Variants in CCDC192 observed in about 807,000 individuals in gnomAD.
CCDC192 encodes the protein coiled-coil domain containing 192, also known as coiled-coil domain-containing protein 192.
intron 5 of CCDC192, among the ~76,000 whole-genome samples, chr5:127,865,664 T>C (rs900391019): frequency 3.3e-5 from 5 of 149,862 alleles, no homozygotes; most frequent in Non-Finnish European, 5.9e-5. Flanking sequence ...CTAGATCAGA[T>C]ATCTTCAGTA....
intron 2 of CCDC192, among the ~76,000 whole-genome samples, chr5:127,724,584 C>T (rs548186850): frequency 1.7e-4 from 26 of 152,172 alleles, no homozygotes; most frequent in Non-Finnish European, 2.2e-4. Flanking sequence ...GGCACAGTGG[C>T]TCATGCCTGT....
At chr5:127,846,705 A>G (rs1163481938) in intron 5 of CCDC192, among the ~76,000 whole-genome samples, 1 of 151,372 alleles carries the variant, frequency 6.6e-6, no homozygotes, top group Non-Finnish European at 1.5e-5. Flanking sequence ...CCTGGCCTCA[A>G]GTGATCCACC....
intron 5 of CCDC192, among the ~76,000 whole-genome samples, chr5:127,824,802 G>T (rs1294713287): frequency 6.6e-6 from 1 of 152,104 alleles, no homozygotes; most frequent in Non-Finnish European, 1.5e-5. Flanking sequence ...TTAGAAAAGA[G>T]AATATTCAGG....
At chr5:127,800,439 AGT>A (rs1757447775) in intron 5 of CCDC192, among the ~76,000 whole-genome samples, 1 of 151,446 alleles carries the variant, frequency 6.6e-6, no homozygotes, top group East Asian at 1.9e-4. Context: ...TTGGAAACAA[AGT>A]TAAATGGGTT....
chr5:127,729,180 T>A lies in CCDC192; in HGVS notation c.114+21420T>A, dbSNP rs148553705. ...CCTCAGCCTCCCAAAGTGCTGGGAA[T>A]ACAGGCATGAGCCACTGAAACTGGC... On this transcript the variant is annotated intron_variant, in intron 2 of 6. Transcript: ENST00000514853. Among the ~76,000 whole-genome samples the A allele has an allele frequency of 2.1e-4, 32 of 152,150 alleles. No individual in the cohort carries two copies. In the East Asian group the frequency reaches 6.2e-3, roughly 29 times the overall value.
intron 6 of CCDC192, among the ~76,000 whole-genome samples, chr5:127,894,396 T>C (rs950691167): frequency 6.6e-6 from 1 of 152,018 alleles, no homozygotes; most frequent in African/African-American, 2.4e-5. Context: ...TTTCACCATG[T>C]TGGCCAGGAT....
intron 3 of CCDC192, among the ~76,000 whole-genome samples, 166 bp downstream of exon 3, chr5:127,754,541 C>A (rs1045231850): frequency 6.6e-6 from 1 of 151,662 alleles, no homozygotes; most frequent in Non-Finnish European, 1.5e-5. Flanking sequence ...ACCCCACACA[C>A]ACACAGCATT....
At chr5:127,880,383 A>AC (rs1561536991) in intron 6 of CCDC192, among the ~76,000 whole-genome samples, 1 of 146,534 alleles carries the variant, frequency 6.8e-6, no homozygotes, top group Non-Finnish European at 1.5e-5. Flanking sequence ...ATTCTCACTC[A>AC]TAGGTGGGAA....
intron 2 of CCDC192, among the ~76,000 whole-genome samples, chr5:127,723,609 C>T (rs1241038904): frequency 1.3e-5 from 2 of 152,288 alleles, no homozygotes; most frequent in South Asian, 2.1e-4. Flanking sequence ...TTTAAAATTT[C>T]CTTAAGAGAA....
At chr5:127,814,473 T>G (rs1015927353) in intron 5 of CCDC192, among the ~76,000 whole-genome samples, 12 of 152,142 alleles carry the variant, frequency 7.9e-5, no homozygotes, top group Admixed American at 4.6e-4. Flanking sequence ...GCTGCCATGT[T>G]GAGTTAAAGT....
intron 5 of CCDC192, among the ~76,000 whole-genome samples, chr5:127,864,186 T>C (rs543329805): frequency 6.6e-6 from 1 of 152,308 alleles, no homozygotes; most frequent in South Asian, 2.1e-4. Flanking sequence ...GTCAGGACCA[T>C]AGCAGGAAAC....
At chr5:127,780,408 A>G (rs937619196) in intron 3 of CCDC192, among the ~76,000 whole-genome samples, 27 of 152,312 alleles carry the variant, frequency 1.8e-4, no homozygotes, top group Middle Eastern at 6.8e-3. Flanking sequence ...ACTGTTTTCC[A>G]TAGTGGTTGT....
chr5:127,703,191 C>G (rs1480637293), upstream of CCDC192, among the ~76,000 whole-genome samples: 1 of 152,192 alleles, frequency 6.6e-6, no homozygotes, highest in Non-Finnish European at 1.5e-5. Flanking sequence ...AATGAGTTTT[C>G]CAGAAATGAT....
At chr5:127,843,569 C>T (rs1183225102) in intron 5 of CCDC192, among the ~76,000 whole-genome samples, 2 of 151,936 alleles carry the variant, frequency 1.3e-5, no homozygotes, top group Non-Finnish European at 2.9e-5. Context: ...TCCCGAGTAG[C>T]TGGTATTACA....
intron 5 of CCDC192, among the ~76,000 whole-genome samples, chr5:127,848,140 T>C (rs190117807): frequency 1.5e-3 from 225 of 152,226 alleles, no homozygotes; most frequent in African/African-American, 5.2e-3. Context: ...TTTCTTATCA[T>C]TACTGCTCCT....
chr5:127,919,926 T>C (rs1380589445), intron 6 of CCDC192, among the ~76,000 whole-genome samples: 1 of 152,236 alleles, frequency 6.6e-6, no homozygotes. Context: ...AGGTAAAGGA[T>C]TGCCCATTGG....
intron 2 of CCDC192, among the ~76,000 whole-genome samples, chr5:127,721,249 G>A (rs1407856523): frequency 1.3e-5 from 2 of 152,162 alleles, no homozygotes; most frequent in Non-Finnish European, 2.9e-5. Context: ...GTTAGAACCA[G>A]CCAGCGCATA....
At chr5:127,737,553 G>T (rs1334334086) in intron 2 of CCDC192, among the ~76,000 whole-genome samples, 2 of 151,524 alleles carry the variant, frequency 1.3e-5, no homozygotes, top group African/African-American at 4.9e-5. Flanking sequence ...CATTATTAAT[G>T]TGTGGGAGTC....
At chr5:127,847,963 A>C (rs186881264) in intron 5 of CCDC192, among the ~76,000 whole-genome samples, 2 of 151,940 alleles carry the variant, frequency 1.3e-5, no homozygotes, top group East Asian at 3.9e-4. Flanking sequence ...CACCCAGCTA[A>C]TTTTTGTATT....
Sources: allele counts gnomAD v4.1 joint callset (sites outside exome capture counted in the v4.1 genomes callset), GRCh38; gene constraint gnomAD v4.1.1; transcripts MANE v1.5; gene names NCBI Gene and HGNC (gene_info 2026-07-23, HGNC 2026-07-21).